The following ACYP2 variants were observed in gnomAD, a reference collection of about 807,000 sequenced individuals.
The protein encoded by ACYP2 is acylphosphatase 2.
In ACYP2, 12 loss-of-function variants were observed where a neutral mutation model predicts 11.2. The ratio of observed to expected loss-of-function variants is 1.08; its 90% CI spans 0.69 to 1.74. The LOEUF is 1.74. Ranked by LOEUF, ACYP2 falls within the 40% of genes most tolerant of loss-of-function variation. The probability of loss-of-function intolerance (pLI) is 0.00; values close to 1 mark genes in which losing one functional copy is unlikely to be tolerated. For synonymous variants in ACYP2, 43 were observed against 32.2 expected, an observed-to-expected ratio of 1.33 and a Z score of -1.13; for missense variants, 134 against 101.9, an observed-to-expected ratio of 1.31 and a Z score of -1.35.
chr2:54,218,420 T>C (rs983900811), intron 6 of ACYP2, among the ~76,000 whole-genome samples: 3 of 152,244 alleles, frequency 2.0e-5, no homozygotes, highest in Admixed American at 6.5e-5. Context: ...TTATGTCTTG[T>C]ATTCAATTGA....
At chr2:54,114,621 C>T (rs1199163588) in intron 4 of ACYP2, among the ~76,000 whole-genome samples, 2 of 152,100 alleles carry the variant, frequency 1.3e-5, no homozygotes, top group Non-Finnish European at 2.9e-5. Flanking sequence ...GAGGTGGAGG[C>T]TGCTGTGAGC....
intron 6 of ACYP2, among the ~76,000 whole-genome samples, chr2:54,265,317 G>C (rs546190357): frequency 6.6e-6 from 1 of 152,190 alleles, no homozygotes; most frequent in African/African-American, 2.4e-5. Flanking sequence ...GCTTGTAAAT[G>C]GAAACTCCCA....
intron 6 of ACYP2, among the ~76,000 whole-genome samples, chr2:54,190,774 C>T (rs1427398439): frequency 6.6e-6 from 1 of 152,106 alleles, no homozygotes; most frequent in Non-Finnish European, 1.5e-5. Context: ...ACTCCAGAGT[C>T]ACATGTCAAG....
chr2:54,019,222 A>G (rs1032450316), intron 2 of ACYP2, among the ~76,000 whole-genome samples: 1 of 151,054 alleles, frequency 6.6e-6, no homozygotes, highest in Admixed American at 6.6e-5. Context: ...GCATGCCACC[A>G]CACTTGGCTA....
chr2:54,032,898 G>A (rs758374360), intron 2 of ACYP2, among the ~76,000 whole-genome samples: 4 of 152,154 alleles, frequency 2.6e-5, no homozygotes, highest in Non-Finnish European at 4.4e-5. Context: ...CATACTGCCC[G>A]AGGAAAGCAT....
At chr2:53,984,661 A>G (rs1460144391) in intron 2 of ACYP2, among the ~76,000 whole-genome samples, 1 of 150,560 alleles carries the variant, frequency 6.6e-6, no homozygotes, top group Non-Finnish European at 1.5e-5. Flanking sequence ...AAATATATGT[A>G]GTATGTATAT....
chr2:54,116,823 AG>A (rs978746451), intron 4 of ACYP2, among the ~76,000 whole-genome samples: 11 of 152,054 alleles, frequency 7.2e-5, no homozygotes, highest in Non-Finnish European at 1.6e-4. Context: ...CCTACTGGCT[AG>A]GGTTGGACCG....
chr2:54,005,737 A>G (rs1041936310), intron 2 of ACYP2, among the ~76,000 whole-genome samples: 8 of 152,196 alleles, frequency 5.3e-5, no homozygotes, highest in Non-Finnish European at 1.0e-4. Context: ...GCTTTACAGT[A>G]AAGTCTTGAA....
In ACYP2 at chr2:54,213,436, A is replaced by G. The variant is rs1293158306; in HGVS notation, c.404+74688A>G. The stretch of plus-strand genomic sequence containing the variant: ...GTGTCTTTATGGTAGAATGATTTAT[A>G]TTCCTTTGGGTATAGACCCAGTAAT... On this transcript the variant is annotated intron_variant, in intron 6 of 6. Coordinates refer to ENST00000607452, the MANE Select transcript of ACYP2 (RefSeq NM_001320586.2). Among the ~76,000 whole-genome samples the G allele has an allele frequency of 2.6e-5, 4 of 152,144 alleles. No homozygotes were observed. The East Asian group carries it at 7.7e-4, about 29-fold the overall frequency.
rs376811456 is a variant in ACYP2 at position 54,035,233 on chromosome 2, ACT to A, written c.63-15722_63-15721del. On this transcript the variant is annotated intron_variant, in intron 2 of 6. Transcript: ENST00000607452. Reference sequence around the variant, plus strand: ...TCTCCTACTTTTTAGACCGGCCCTGACTCTAACTAGAGACAATTTCTTTTTCT... The same window carrying A: ...TCTCCTACTTTTTAGACCGGCCCTGACTAACTAGAGACAATTTCTTTTTCT... Among the ~76,000 whole-genome samples, 296 of 145,976 alleles carry A rather than the reference ACT, an allele frequency of 2.0e-3. 2 individuals carry two copies. The highest frequency in any genetic ancestry group is 3.7e-3 in the Non-Finnish European group (245 of 66,198).
At chr2:54,115,511 C>G in intron 4 of ACYP2, 104 bp from the exon 1 acceptor site, 2 of 1,449,304 alleles carry the variant, frequency 1.4e-6, no homozygotes, top group Non-Finnish European at 1.8e-6. Flanking sequence ...CCCCGGCTGC[C>G]CTCGCTCCCA....
chr2:54,265,280 A>G (rs139033959), intron 6 of ACYP2, among the ~76,000 whole-genome samples: 1,789 of 152,300 alleles, frequency 0.012, 14 homozygotes, highest in South Asian at 0.021. Flanking sequence ...CACATCTTAC[A>G]TGGATGGCAG....
At chr2:54,284,908 C>G (rs1573050520) in intron 6 of ACYP2, among the ~76,000 whole-genome samples, 2 of 152,216 alleles carry the variant, frequency 1.3e-5, no homozygotes, top group Admixed American at 1.3e-4. Context: ...AGACCCCCTT[C>G]TTGAAATACC....
intron 2 of ACYP2, among the ~76,000 whole-genome samples, chr2:54,050,627 G>A (rs1467289019): frequency 6.6e-6 from 1 of 151,488 alleles, no homozygotes; most frequent in African/African-American, 2.4e-5. Flanking sequence ...TCTTTCTACT[G>A]TGAAGTTATA....
intron 6 of ACYP2, among the ~76,000 whole-genome samples, chr2:54,275,541 A>G (rs890333862): frequency 6.6e-6 from 1 of 152,190 alleles, no homozygotes; most frequent in Non-Finnish European, 1.5e-5. Context: ...TTTTCCATAA[A>G]ATCAGGGAAT....
chr2:54,150,504 C>G (rs532091508), intron 6 of ACYP2, among the ~76,000 whole-genome samples: 164 of 152,216 alleles, frequency 1.1e-3, no homozygotes, highest in African/African-American at 3.7e-3. Flanking sequence ...TCATTGTAGT[C>G]TCTGCCTCCT....
At chr2:54,250,508 A>G (rs936037234) in intron 6 of ACYP2, among the ~76,000 whole-genome samples, 3 of 152,102 alleles carry the variant, frequency 2.0e-5, no homozygotes, top group Non-Finnish European at 2.9e-5. Flanking sequence ...CTTCTATCTC[A>G]TATGTTGATA....
At chr2:54,100,549 T>C (rs1678839050) in intron 4 of ACYP2, among the ~76,000 whole-genome samples, 1 of 152,058 alleles carries the variant, frequency 6.6e-6, no homozygotes, top group South Asian at 2.1e-4. Context: ...GCTGGAGAGA[T>C]CATCCTGCCT....
At chr2:54,181,388 G>C (rs1161713100) in intron 6 of ACYP2, among the ~76,000 whole-genome samples, 1 of 152,130 alleles carries the variant, frequency 6.6e-6, no homozygotes, top group Non-Finnish European at 1.5e-5. Context: ...CTGAAGTCCA[G>C]CTTTATCACC....
Sources: allele counts gnomAD v4.1 joint callset (sites outside exome capture counted in the v4.1 genomes callset), GRCh38; gene constraint gnomAD v4.1.1; transcripts MANE v1.5; gene names NCBI Gene and HGNC (gene_info 2026-07-23, HGNC 2026-07-21).